ADGRB3: variants seen among roughly 807,000 people sequenced by gnomAD.
ADGRB3 encodes brain-specific angiogenesis inhibitor 3.
Under a neutral mutation model 193.4 loss-of-function variants are expected in ADGRB3, and 37 were observed. The observed-to-expected ratio is 0.19, with a 90% CI of 0.15 to 0.25. The LOEUF is 0.25. Ranked by LOEUF, ADGRB3 falls within the 10% of genes least tolerant of loss-of-function variation. ADGRB3 has a pLI of 1.00. For synonymous variants in ADGRB3, 690 were observed against 644.2 expected (o/e 1.07, Z -1.08); for missense variants, 1,637 against 1,852.9 (o/e 0.88, Z 2.14).
At chr6:68,840,836 A>G (rs1447619306) in intron 3 of ADGRB3, among the ~76,000 whole-genome samples, 1 of 152,200 alleles carries the variant, frequency 6.6e-6, no homozygotes, top group Non-Finnish European at 1.5e-5. Context: ...AACAAGACCT[A>G]ATGATCTGTT....
At chr6:69,052,785 G>A (rs1411606821) in intron 15 of ADGRB3, among the ~76,000 whole-genome samples, 1 of 152,166 alleles carries the variant, frequency 6.6e-6, no homozygotes, top group Non-Finnish European at 1.5e-5. Flanking sequence ...AGTAGGTTCA[G>A]ATTGTTACTT....
At chr6:69,233,567 T>C in intron 18 of ADGRB3, 151 bp downstream of exon 18, 1 of 1,005,574 alleles carries the variant, frequency 9.9e-7, no homozygotes, top group Non-Finnish European at 1.5e-6. Context: ...AGTAGCTTGG[T>C]GGAATGAATT....
At chr6:69,254,740 G>A (rs1426164508) in intron 20 of ADGRB3, among the ~76,000 whole-genome samples, 1 of 149,382 alleles carries the variant, frequency 6.7e-6, no homozygotes, top group African/African-American at 2.5e-5. Flanking sequence ...AAGTTTTAGG[G>A]TACATGTGCA....
At chr6:68,901,588 A>G (rs2150233340) in intron 3 of ADGRB3, among the ~76,000 whole-genome samples, 1 of 152,328 alleles carries the variant, frequency 6.6e-6, no homozygotes, top group Non-Finnish European at 1.5e-5. Flanking sequence ...GTAAATTTTA[A>G]CAATTAAAAT....
At chr6:69,047,190 A>G (rs1355455831) in intron 13 of ADGRB3, among the ~76,000 whole-genome samples, 2 of 152,146 alleles carry the variant, frequency 1.3e-5, no homozygotes, top group Non-Finnish European at 2.9e-5. Flanking sequence ...TTCAATTGCA[A>G]TAGCTTTTAC....
At chr6:69,039,307 T>C (rs969870543) in intron 13 of ADGRB3, among the ~76,000 whole-genome samples, 3 of 151,952 alleles carry the variant, frequency 2.0e-5, no homozygotes, top group Non-Finnish European at 4.4e-5. Flanking sequence ...GAATGAATCT[T>C]TTATCCTTGA....
At chr6:69,382,314 C>T (rs772251772) in intron 30 of ADGRB3, among the ~76,000 whole-genome samples, 4 of 151,924 alleles carry the variant, frequency 2.6e-5, no homozygotes, top group Non-Finnish European at 5.9e-5. Flanking sequence ...TTACATCCCA[C>T]ATATATTTCA....
rs1319092675 is a variant in ADGRB3, at chr6:68,975,219, C to T, written c.1628-15C>T. The T allele has an allele frequency of 1.9e-6, 3 of 1,606,210 alleles. No individual in the cohort carries two copies. The highest frequency in any genetic ancestry group is 2.7e-5 in the African/African-American group (2 of 74,738). ...CCCTATTATAAAGCTTCTCTCTGTT[C>T]TTTGTGACACACAGGCACCACTAGC... On this transcript the variant is annotated splice_polypyrimidine_tract_variant and intron_variant, in intron 9 of 31. Coordinates refer to ENST00000370598, the MANE Select transcript of ADGRB3 (RefSeq NM_001704.3).
At chr6:68,912,378 GTTA>G (rs1054108311) in intron 3 of ADGRB3, among the ~76,000 whole-genome samples, 1 of 146,300 alleles carries the variant, frequency 6.8e-6, no homozygotes, top group African/African-American at 2.6e-5. Flanking sequence ...TTATTTTATT[GTTA>G]TTATACTTTA....
intron 3 of ADGRB3, among the ~76,000 whole-genome samples, chr6:68,795,911 T>TACAG (rs1227399175): frequency 6.6e-6 from 1 of 152,112 alleles, no homozygotes; most frequent in African/African-American, 2.4e-5. Flanking sequence ...ACTTCATACT[T>TACAG]ACTGTGTCTT....
chr6:68,818,843 C>G (rs543192745), intron 3 of ADGRB3, among the ~76,000 whole-genome samples: 180 of 152,202 alleles, frequency 1.2e-3, no homozygotes, highest in Non-Finnish European at 2.2e-3. Flanking sequence ...TAGTCTTTCT[C>G]TCTTTCAAAT....
chr6:68,959,356 G>C (rs1020777869), intron 8 of ADGRB3, among the ~76,000 whole-genome samples: 1 of 152,056 alleles, frequency 6.6e-6, no homozygotes, highest in Admixed American at 6.6e-5. Context: ...TAACAACAAA[G>C]CTTCAACAAT....
intron 13 of ADGRB3, among the ~76,000 whole-genome samples, chr6:69,041,561 T>C (rs1265494420): frequency 6.6e-6 from 1 of 152,072 alleles, no homozygotes; most frequent in Non-Finnish European, 1.5e-5. Flanking sequence ...GCCTCCTCAT[T>C]TGTAAAATGA....
At chr6:68,766,210 T>C (rs1433716876) in intron 3 of ADGRB3, among the ~76,000 whole-genome samples, 2 of 152,058 alleles carry the variant, frequency 1.3e-5, no homozygotes, top group Non-Finnish European at 2.9e-5. Context: ...CTTAAACTTC[T>C]TGTGTTAATT....
chr6:69,311,864 A>G (rs1768201967), intron 20 of ADGRB3, among the ~76,000 whole-genome samples: 1 of 151,754 alleles, frequency 6.6e-6, no homozygotes, highest in Non-Finnish European at 1.5e-5. Flanking sequence ...TAGTATTTAG[A>G]CATGTTTTAA....
At chr6:69,308,356 A>T (rs1035761855) in intron 20 of ADGRB3, among the ~76,000 whole-genome samples, 1 of 151,496 alleles carries the variant, frequency 6.6e-6, no homozygotes, top group African/African-American at 2.4e-5. Flanking sequence ...CAGTTTACAA[A>T]TATCGTTTAT....
In ADGRB3 at chr6:68,638,795, A is replaced by G; in HGVS notation, c.120A>G (p.Gly40=). The change falls in exon 3 of 32, where the codon GGA becomes GGG. Residue 40 remains glycine, a synonymous_variant. Coordinates refer to ENST00000370598, the MANE Select transcript of ADGRB3 (RefSeq NM_001704.3). ...CTTTGGTGAAGGGAGTCATTTATGG[A>G]TCGTATTCTGTAAGTGAAATGTTTC... The part of the protein sequence containing the change: ...CSTLVKGVIY[G]SYSVSEMFPK... 2 of 1,614,094 alleles carry G rather than the reference A, an allele frequency of 1.2e-6. No homozygotes were observed. The highest frequency in any genetic ancestry group is 1.7e-6 in the Non-Finnish European group (2 of 1,180,010).
At position 68,993,760 on chromosome 6, in the gene ADGRB3, C is replaced by T; in HGVS notation, c.1735-8C>T. The T allele has an allele frequency of 1.2e-6, 2 of 1,608,838 alleles. No homozygotes were observed. The highest frequency in any genetic ancestry group is 1.7e-6 in the Non-Finnish European group (2 of 1,176,650). ...CTGATGTTTGCTCTGTTCTTTTGAC[C>T]ATCACAGATTAAAGAGCACCTTGCT... On this transcript the variant is annotated splice_region_variant and splice_polypyrimidine_tract_variant and intron_variant, in intron 10 of 31. Transcript: ENST00000370598.
chr6:68,891,867 T>C (rs777211845), intron 3 of ADGRB3, among the ~76,000 whole-genome samples: 4 of 152,086 alleles, frequency 2.6e-5, no homozygotes, highest in Non-Finnish European at 4.4e-5. Context: ...AGATCAATCT[T>C]CCAGCTGGTA....
Sources: allele counts gnomAD v4.1 joint callset (sites outside exome capture counted in the v4.1 genomes callset), GRCh38; gene constraint gnomAD v4.1.1; transcripts MANE v1.5; gene names NCBI Gene and HGNC (gene_info 2026-07-23, HGNC 2026-07-21).